The following GIPC2 variants were observed in gnomAD, a reference collection of about 807,000 sequenced individuals.
The protein encoded by GIPC2 is PDZ domain-containing protein GIPC2.
Under a neutral mutation model 30.6 loss-of-function variants are expected in GIPC2, and 30 were observed. That is an observed-to-expected ratio of 0.98 (90% CI 0.73 to 1.33). The LOEUF is 1.33. Among genes scored for constraint, GIPC2 ranks in the 40% most tolerant of loss-of-function variants. GIPC2 has a pLI of 0.00. For missense variants in GIPC2, 414 were observed against 390.3 expected (o/e 1.06, Z -0.51); for synonymous variants, 167 against 150.0 (o/e 1.11, Z -0.83).
chr1:78,087,537 C>A (rs1571498655), intron 2 of GIPC2, among the ~76,000 whole-genome samples: 1 of 152,240 alleles, frequency 6.6e-6, no homozygotes, highest in East Asian at 1.9e-4. Context: ...TAGCCATATG[C>A]AGCTAAGAAA....
At chr1:78,113,529 A>G (rs1310664786) in intron 3 of GIPC2, among the ~76,000 whole-genome samples, 2 of 152,222 alleles carry the variant, frequency 1.3e-5, no homozygotes, top group African/African-American at 4.8e-5. Flanking sequence ...CTGGGACTAC[A>G]GGTACATGCT....
intron 2 of GIPC2, among the ~76,000 whole-genome samples, chr1:78,083,767 A>T (rs1306894803): frequency 6.6e-6 from 1 of 152,134 alleles, no homozygotes; most frequent in East Asian, 1.9e-4. Context: ...TTGATGCTCA[A>T]ATTTCCTGAG....
chr1:78,059,691 G>A (rs957134002), intron 1 of GIPC2, among the ~76,000 whole-genome samples: 1 of 152,104 alleles, frequency 6.6e-6, no homozygotes, highest in African/African-American at 2.4e-5. Flanking sequence ...GATTGCTTGA[G>A]CCCAGGGAGG....
intron 5 of GIPC2, among the ~76,000 whole-genome samples, chr1:78,132,096 A>G (rs1662910172): frequency 6.6e-6 from 1 of 152,224 alleles, no homozygotes; most frequent in Non-Finnish European, 1.5e-5. Flanking sequence ...CATGAGTCCT[A>G]ATTTTATTAG....
rs935995067 is a variant in GIPC2 at position 78,138,157 on chromosome 1, G to A, written c.*2414G>A. On this transcript the variant is annotated 3_prime_UTR_variant, in exon 6 of 6. Coordinates refer to ENST00000370759, the MANE Select transcript of GIPC2 (RefSeq NM_017655.6). ...CAAATGATAATTGTATGTTGGGCTC[G>A]ATGAGGCCTTGAACATAGCTGAGTC... The A allele has an allele frequency of 4.6e-5, 7 of 152,130 alleles. No individual in the cohort carries two copies. Among genetic ancestry groups the A allele is most frequent in the African/African-American group, 4.8e-5 (2 of 41,422 alleles). 9.4% of individuals were successfully genotyped at this position (152,130 alleles called of 1,614,324 possible).
Position 78,135,777 on chromosome 1 carries a change from C to T in GIPC2, c.*34C>T, listed in dbSNP as rs771367851. On this transcript the variant is annotated 3_prime_UTR_variant, in exon 6 of 6. Coordinates refer to ENST00000370759, the MANE Select transcript of GIPC2 (RefSeq NM_017655.6). ...CTCCATCTCTGAAGAAACAACCCAT[C>T]GTTCTTTTTTTTCTCTTTTTTAAAA... 186 of 1,554,474 alleles carry T rather than the reference C, an allele frequency of 1.2e-4. No individual in the cohort carries two copies. Among genetic ancestry groups the T allele is most frequent in the Non-Finnish European group, 1.5e-4 (169 of 1,156,156 alleles).
chr1:78,076,193 T>A (rs1433491210), intron 1 of GIPC2, among the ~76,000 whole-genome samples: 1 of 152,208 alleles, frequency 6.6e-6, no homozygotes, highest in East Asian at 1.9e-4. Flanking sequence ...AGCTACCATA[T>A]GGCTTAAAAT....
At chr1:78,113,180 A>G (rs1662502933) in intron 3 of GIPC2, among the ~76,000 whole-genome samples, 1 of 152,136 alleles carries the variant, frequency 6.6e-6, no homozygotes. Context: ...GTCTTATGTA[A>G]TCACAACCTT....
At chr1:78,056,533 A>G (rs1413026088) in intron 1 of GIPC2, among the ~76,000 whole-genome samples, 1 of 152,254 alleles carries the variant, frequency 6.6e-6, no homozygotes, top group Non-Finnish European at 1.5e-5. Context: ...TCAAGGAAAT[A>G]GTGTAATTAA....
intron 1 of GIPC2, among the ~76,000 whole-genome samples, chr1:78,072,134 T>A (rs1661632910): frequency 6.6e-6 from 1 of 152,242 alleles, no homozygotes; most frequent in South Asian, 2.1e-4. Flanking sequence ...AAAAATGGTA[T>A]TATGATACAT....
chr1:78,112,558 A>C, intron 3 of GIPC2: 1 of 518,972 alleles, frequency 1.9e-6, no homozygotes, highest in Non-Finnish European at 3.8e-6. Context: ...CTCTCATGGG[A>C]CCAGAACAAG....
At chr1:78,116,703 G>A (rs1266340099) in intron 3 of GIPC2, among the ~76,000 whole-genome samples, 3 of 152,158 alleles carry the variant, frequency 2.0e-5, no homozygotes, top group African/African-American at 7.2e-5. Context: ...TTTTATGGCT[G>A]CATAGTATTC....
intron 1 of GIPC2, among the ~76,000 whole-genome samples, chr1:78,059,763 A>G (rs1661358359): frequency 6.6e-6 from 1 of 152,166 alleles, no homozygotes; most frequent in South Asian, 2.1e-4. Context: ...AAGAGTGAGA[A>G]AAAACAAAAA....
intron 1 of GIPC2, among the ~76,000 whole-genome samples, chr1:78,048,705 G>A (rs1433535409): frequency 2.0e-5 from 3 of 152,050 alleles, no homozygotes; most frequent in Non-Finnish European, 4.4e-5. Context: ...CACAGACACG[G>A]AGCCATTGTG....
rs544222612 is a variant in GIPC2, at chr1:78,050,793, C to T, written c.240+4459C>T. 2.0e-5 allele frequency among the ~76,000 whole-genome samples: 3 copies of T among 152,132 alleles called. No individual in the cohort carries two copies. In the East Asian group the frequency reaches 5.8e-4, roughly 29 times the overall value. On this transcript the variant is annotated intron_variant, in intron 1 of 5. Coordinates refer to ENST00000370759, the MANE Select transcript of GIPC2 (RefSeq NM_017655.6). ...AGGACTACAGGTGCCTGCCACCATG[C>T]CCGGCTAATTTTTTGTATTTTTAGT...
chr1:78,088,540 A>G (rs2100362460), intron 2 of GIPC2, among the ~76,000 whole-genome samples: 1 of 152,342 alleles, frequency 6.6e-6, no homozygotes, highest in East Asian at 1.9e-4. Flanking sequence ...TATAAGTGGG[A>G]GCTAAATGAT....
At chr1:78,135,430 G>A (rs985508804) in intron 5 of GIPC2, among the ~76,000 whole-genome samples, 162 bp from the exon 6 acceptor site, 11 of 152,200 alleles carry the variant, frequency 7.2e-5, no homozygotes, top group African/African-American at 2.4e-4. Context: ...GTGTGTGTGT[G>A]AGAGAGGGTA....
At chr1:78,046,369 C>CCGCCGCGCAG in intron 1 of GIPC2, 35 bp downstream of exon 1, 1 of 1,557,806 alleles carries the variant, frequency 6.4e-7, no homozygotes, top group Non-Finnish European at 8.8e-7. Flanking sequence ...TCCCGCCTCT[C>CCGCCGCGCAG]CGCCGCGCCG....
At position 78,094,973 on chromosome 1, in the gene GIPC2, A is replaced by C. The variant is rs1365003585; in HGVS notation, c.448A>C (p.Ile150Leu). The C allele has an allele frequency of 6.3e-7, 1 of 1,598,644 alleles. No individual in the cohort carries two copies. The highest frequency in any genetic ancestry group is 8.6e-7 in the Non-Finnish European group (1 of 1,166,268). The change falls in exon 3 of 6, where the codon ATT (isoleucine) becomes CTT (leucine). Residue 150 changes from isoleucine (I) to leucine (L), a missense_variant. Transcript: ENST00000370759. Reference protein sequence around the residue: ...FIKRIKDGGVIDSVKTICVGD... With the variant: ...FIKRIKDGGVLDSVKTICVGD... ...TCAGAGAATTAAAGATGGTGGTGTT[A>C]TTGACTCAGTTAAAACAATCTGTGT...
Sources: allele counts gnomAD v4.1 joint callset (sites outside exome capture counted in the v4.1 genomes callset), GRCh38; gene constraint gnomAD v4.1.1; transcripts MANE v1.5; gene names NCBI Gene and HGNC (gene_info 2026-07-23, HGNC 2026-07-21).